The following RIPOR3 variants were observed in gnomAD, a reference collection of about 807,000 sequenced individuals.
RIPOR3 encodes RIPOR family member 3, also known as family with sequence similarity 65 member C.
A neutral mutation model predicts 114.3 loss-of-function variants in RIPOR3; 95 were observed. The observed-to-expected ratio is 0.83, with a 90% CI of 0.70 to 0.99. The LOEUF (loss-of-function observed/expected upper bound fraction) is 0.99, where lower values mean the gene tolerates loss of function less well. Among genes scored for constraint, RIPOR3 ranks in the 50% least tolerant of loss-of-function variants. The pLI is 0.00. For synonymous variants in RIPOR3, 575 were observed against 543.8 expected, an observed-to-expected ratio of 1.06 and a Z score of -0.80; for missense variants, 1,252 against 1,266.9, an observed-to-expected ratio of 0.99 and a Z score of 0.18.
intron 2 of RIPOR3, among the ~76,000 whole-genome samples, chr20:50,623,166 C>T (rs910844269): frequency 6.7e-6 from 1 of 150,188 alleles, no homozygotes; most frequent in Admixed American, 6.8e-5. Context: ...GAGGCTGAGG[C>T]AGGAGAATCA....
intron 1 of RIPOR3, among the ~76,000 whole-genome samples, chr20:50,632,356 C>T (rs1394875235): frequency 2.0e-5 from 3 of 152,136 alleles, no homozygotes; most frequent in African/African-American, 7.2e-5. Context: ...AAGCATGTCC[C>T]GAGAGCCCAC....
chr20:50,653,033 T>C (rs2085674229), intron 1 of RIPOR3, among the ~76,000 whole-genome samples: 1 of 152,224 alleles, frequency 6.6e-6, no homozygotes, highest in African/African-American at 2.4e-5. Flanking sequence ...TTACTCATAG[T>C]AGCCAAGAAG....
chr20:50,647,478 C>CTTTTTTTTT (rs942940961), intron 1 of RIPOR3, among the ~76,000 whole-genome samples: 5 of 100,352 alleles, frequency 5.0e-5, no homozygotes, highest in Non-Finnish European at 7.9e-5. Flanking sequence ...GCCTCATTCT[C>CTTTTTTTTT]TTTTTTTTTT....
chr20:50,616,188 CGGGGCTCAGA>C, intron 3 of RIPOR3, 108 bp from the exon 4 acceptor site: 1 of 1,130,884 alleles, frequency 8.8e-7, no homozygotes, highest in Non-Finnish European at 1.3e-6. Context: ...CGGGGCTCAG[CGGGGCTCAGA>C]GGCAGGTAGG....
intron 1 of RIPOR3, among the ~76,000 whole-genome samples, chr20:50,652,362 A>T (rs1326544066): frequency 2.0e-5 from 3 of 152,142 alleles, no homozygotes; most frequent in African/African-American, 4.8e-5. Context: ...AGGCTGGGGC[A>T]GGTGAATCAC....
intron 17 of RIPOR3, among the ~76,000 whole-genome samples, chr20:50,593,595 G>A (rs537015554): frequency 1.3e-5 from 2 of 151,984 alleles, no homozygotes; most frequent in East Asian, 1.9e-4. Context: ...GGTTTCTGAT[G>A]GCACGAGGGC....
At chr20:50,592,197 G>T in intron 19 of RIPOR3, 147 bp downstream of exon 19, 1 of 733,606 alleles carries the variant, frequency 1.4e-6, no homozygotes, top group Non-Finnish European at 2.1e-6. Context: ...ATGTGTGTTA[G>T]ATCGTAGCCC....
chr20:50,642,097 G>T (rs1264996736), intron 1 of RIPOR3, among the ~76,000 whole-genome samples: 1 of 152,088 alleles, frequency 6.6e-6, no homozygotes, highest in African/African-American at 2.4e-5. Context: ...TTTACATTTG[G>T]CTACTACTCT....
chr20:50,602,714 T>C lies in RIPOR3; in HGVS notation c.1087-70A>G. The C allele has an allele frequency of 8.2e-7, 1 of 1,215,984 alleles. No individual in the cohort carries two copies. The highest frequency in any genetic ancestry group is 2.4e-5 in the South Asian group (1 of 42,502). The allele number at this position is 1,215,984 out of a possible 1,614,324, so 75.3% of individuals were successfully genotyped here. A position where few individuals can be genotyped will look rare whatever the true frequency, so the allele number is the denominator to read the frequency against. On this transcript the variant is annotated intron_variant, in intron 12 of 21. Coordinates refer to ENST00000327979, the MANE Select transcript of RIPOR3 (RefSeq NM_001290268.2). The surrounding 1 kb of genome is among the most constrained non-coding windows in gnomAD (Gnocchi z 4.3). The stretch of plus-strand genomic sequence containing the variant: ...CCACAGCAAGTCCCCCAGAGGGGCT[T>C]CCCCTGACAGACACCCGCTGTGCAT...
chr20:50,598,872 T>C (rs2083394941), intron 13 of RIPOR3, among the ~76,000 whole-genome samples: 1 of 143,722 alleles, frequency 7.0e-6, no homozygotes, highest in Non-Finnish European at 1.5e-5. Flanking sequence ...ACCACTGCGC[T>C]CCAGCCTGAG....
intron 1 of RIPOR3, among the ~76,000 whole-genome samples, chr20:50,671,428 G>GCGCA (rs1234819893): frequency 3.1e-4 from 12 of 38,158 alleles, no homozygotes; most frequent in African/African-American, 4.4e-4. Flanking sequence ...ACGCGCGCGC[G>GCGCA]CACACACACA....
chr20:50,595,067 G>T, intron 16 of RIPOR3: 1 of 492,202 alleles, frequency 2.0e-6, no homozygotes, highest in South Asian at 2.8e-5. Flanking sequence ...TGTGGCCTGG[G>T]GTTACCTCAC....
Position 50,597,627 on chromosome 20 carries a change from G to C in RIPOR3, c.1743C>G (p.Asp581Glu). Residue 581 changes from aspartate (D) to glutamate (E), a missense_variant, in exon 14 of 22, where the codon GAC becomes GAG. Physicochemically the swap from Asp to Glu is conservative, Grantham distance 45. Coordinates refer to ENST00000327979, the MANE Select transcript of RIPOR3 (RefSeq NM_001290268.2). ...ACAGGGACAGCTCATCCAGGGCGAAGTCGGCATTGAGGAAGGCGAAGCTCT... is the reference window on the plus strand; with the variant it reads ...ACAGGGACAGCTCATCCAGGGCGAACTCGGCATTGAGGAAGGCGAAGCTCT... The part of the protein sequence containing the change: ...ILESFAFLNA[D>E]FALDELSLFG... 1.2e-6 allele frequency: 2 copies of C among 1,612,118 alleles called. No homozygotes were observed. The highest frequency in any genetic ancestry group is 1.7e-6 in the Non-Finnish European group (2 of 1,179,084).
In RIPOR3 at chr20:50,656,526, G is replaced by A. The variant is rs180894784; in HGVS notation, c.4-25670C>T. Among the ~76,000 whole-genome samples the A allele has an allele frequency of 3.9e-3, 598 of 151,994 alleles. 4 individuals are homozygous for A. Among genetic ancestry groups the A allele is most frequent in the African/African-American group, 0.014 (561 of 41,458 alleles). The stretch of plus-strand genomic sequence containing the variant: ...AACAGTATAGCGTATACAGTTTCCT[G>A]TTTCACTGCCTCATTTTAGAGGCAG... On this transcript the variant is annotated intron_variant, in intron 1 of 21. Transcript: ENST00000327979.
chr20:50,681,874 G>A (rs1311120802), intron 1 of RIPOR3, among the ~76,000 whole-genome samples: 1 of 152,232 alleles, frequency 6.6e-6, no homozygotes, highest in African/African-American at 2.4e-5. Flanking sequence ...GATGTGGGAC[G>A]TCACAAACAC....
intron 3 of RIPOR3, among the ~76,000 whole-genome samples, chr20:50,618,917 A>C (rs2084287171): frequency 6.6e-6 from 1 of 152,196 alleles, no homozygotes; most frequent in Non-Finnish European, 1.5e-5. Context: ...TCTACTAAAA[A>C]TACAAAATAT....
intron 2 of RIPOR3, among the ~76,000 whole-genome samples, chr20:50,621,757 G>A (rs2084415167): frequency 6.6e-6 from 1 of 152,196 alleles, no homozygotes; most frequent in African/African-American, 2.4e-5. Context: ...GTCTAAAGCT[G>A]AACCTGCCCG....
At chr20:50,601,812 C>A (rs1240476084) in intron 13 of RIPOR3, among the ~76,000 whole-genome samples, 1 of 152,168 alleles carries the variant, frequency 6.6e-6, no homozygotes, top group Non-Finnish European at 1.5e-5. Flanking sequence ...TCAGAAGGTG[C>A]GAGATGGGGC....
chr20:50,596,391 T>C (rs1298832187), intron 14 of RIPOR3, 128 bp from the exon 15 acceptor site: 12 of 1,334,390 alleles, frequency 9.0e-6, no homozygotes, highest in Non-Finnish European at 1.2e-5. Flanking sequence ...GAAGTTCAAC[T>C]GAAGAGGAAG....
Sources: gnomAD v4.1 joint callset for allele counts (sites outside exome capture counted in the v4.1 genomes callset) on GRCh38, gnomAD v4.1.1 for gene constraint, Gnocchi (gnomAD v3.1) non-coding constraint, MANE v1.5 for transcripts, NCBI Gene and HGNC (gene_info 2026-07-23, HGNC 2026-07-21) for gene names.